Variants in SPATA16 observed in about 807,000 individuals in gnomAD.
SPATA16 encodes spermatogenesis-associated protein 16.
A neutral mutation model predicts 63.3 loss-of-function variants in SPATA16; 36 were observed. That is an observed-to-expected ratio of 0.57 (90% CI 0.44 to 0.75). SPATA16 has a LOEUF of 0.75. Ranked by LOEUF, SPATA16 falls within the 30% of genes least tolerant of loss-of-function variation. SPATA16 has a pLI of 0.00. For synonymous variants in SPATA16, 203 were observed against 216.7 expected (o/e 0.94, Z 0.56); for missense variants, 646 against 679.3 (o/e 0.95, Z 0.54).
intron 6 of SPATA16, among the ~76,000 whole-genome samples, chr3:172,947,008 A>G (rs1156660059): frequency 1.3e-5 from 2 of 152,074 alleles, no homozygotes. Context: ...GAGAGACTCC[A>G]CTTGTTAGGG....
chr3:173,071,113 C>T (rs1736665010), intron 2 of SPATA16, among the ~76,000 whole-genome samples: 3 of 152,056 alleles, frequency 2.0e-5, no homozygotes, highest in Admixed American at 1.3e-4. Context: ...TAAAAGCAGA[C>T]ATATAGACCA....
chr3:173,000,962 A>G (rs1024483493), intron 4 of SPATA16, among the ~76,000 whole-genome samples: 2 of 152,144 alleles, frequency 1.3e-5, no homozygotes, highest in African/African-American at 4.8e-5. Context: ...TTAAAGCCCT[A>G]ACAAATTAAT....
intron 2 of SPATA16, among the ~76,000 whole-genome samples, chr3:173,064,761 C>T (rs890095200): frequency 2.6e-5 from 4 of 152,188 alleles, no homozygotes; most frequent in Non-Finnish European, 5.9e-5. Context: ...GATCCATTAA[C>T]ATCCCACTGG....
chr3:172,889,720 A>G (rs976486744), intron 10 of SPATA16, 28 bp from the exon 11 acceptor site: 1 of 1,610,460 alleles, frequency 6.2e-7, no homozygotes. Flanking sequence ...ATGCAACAAG[A>G]TTTGTTGTTG....
intron 10 of SPATA16, among the ~76,000 whole-genome samples, chr3:172,895,874 T>C (rs2109541793): frequency 6.6e-6 from 1 of 152,228 alleles, no homozygotes; most frequent in Admixed American, 6.5e-5. Context: ...TGGGCTATTG[T>C]AAAATAAGTT....
intron 2 of SPATA16, among the ~76,000 whole-genome samples, chr3:173,101,762 T>A (rs1032696513): frequency 7.2e-5 from 11 of 152,140 alleles, no homozygotes; most frequent in African/African-American, 2.7e-4. Flanking sequence ...ATACTCTAGA[T>A]CCAAGAGTAT....
chr3:172,917,316 G>C (rs1177725448), intron 8 of SPATA16, among the ~76,000 whole-genome samples: 1 of 152,180 alleles, frequency 6.6e-6, no homozygotes, highest in East Asian at 1.9e-4. Flanking sequence ...TTAAGAAAAA[G>C]TACTTTTGAT....
chr3:172,895,754 C>A (rs776973851), intron 10 of SPATA16, among the ~76,000 whole-genome samples: 1 of 152,118 alleles, frequency 6.6e-6, no homozygotes, highest in East Asian at 1.9e-4. Flanking sequence ...TAGTTTATTT[C>A]TTTTTATCAC....
chr3:173,100,212 A>T (rs1737456642), intron 2 of SPATA16, among the ~76,000 whole-genome samples: 1 of 152,212 alleles, frequency 6.6e-6, no homozygotes, highest in African/African-American at 2.4e-5. Context: ...GTTGCCTCAA[A>T]TATCACAGCA....
chr3:173,003,769 A>G (rs1246989151), intron 4 of SPATA16, among the ~76,000 whole-genome samples: 1 of 152,232 alleles, frequency 6.6e-6, no homozygotes, highest in African/African-American at 2.4e-5. Flanking sequence ...CAAAACTTGT[A>G]TCAACAATGA....
intron 4 of SPATA16, among the ~76,000 whole-genome samples, chr3:172,994,314 T>C (rs1394363801): frequency 6.6e-6 from 1 of 152,060 alleles, no homozygotes; most frequent in Non-Finnish European, 1.5e-5. Context: ...AGTAGCTGTA[T>C]AGGCAAGGCA....
chr3:172,911,601 G>T (rs2109559566), intron 10 of SPATA16, among the ~76,000 whole-genome samples: 1 of 152,248 alleles, frequency 6.6e-6, no homozygotes, highest in Admixed American at 6.5e-5. Flanking sequence ...TCTCCCAACT[G>T]AATTCTAAAG....
At chr3:172,952,461 A>T (rs1379187405) in intron 6 of SPATA16, among the ~76,000 whole-genome samples, 4 of 152,120 alleles carry the variant, frequency 2.6e-5, no homozygotes, top group African/African-American at 9.7e-5. Flanking sequence ...GCCTCTTTCC[A>T]TGCTTCTCCC....
chr3:173,093,070 CACACACAT>C (rs879687356), intron 2 of SPATA16, among the ~76,000 whole-genome samples: 22 of 137,914 alleles, frequency 1.6e-4, no homozygotes, highest in African/African-American at 3.3e-4. Flanking sequence ...CACACACACA[CACACACAT>C]ATATATATAT....
chr3:172,910,233 A>G (rs754438106), intron 10 of SPATA16, among the ~76,000 whole-genome samples: 4 of 151,348 alleles, frequency 2.6e-5, no homozygotes, highest in Non-Finnish European at 4.4e-5. Flanking sequence ...AGCTGGGATT[A>G]CAGGCATGTG....
intron 6 of SPATA16, among the ~76,000 whole-genome samples, chr3:172,949,315 A>G (rs1733371308): frequency 1.3e-5 from 2 of 152,232 alleles, no homozygotes; most frequent in African/African-American, 4.8e-5. Flanking sequence ...TAAGATCATC[A>G]AGAAAATGCT....
chr3:173,046,680 G>A (rs1560105984), intron 3 of SPATA16, among the ~76,000 whole-genome samples: 2 of 151,988 alleles, frequency 1.3e-5, no homozygotes, highest in African/African-American at 2.4e-5. Flanking sequence ...TCTGCATTGA[G>A]TATATAACTA....
chr3:172,998,843 A>G (rs1044844259), intron 4 of SPATA16, among the ~76,000 whole-genome samples: 1 of 152,198 alleles, frequency 6.6e-6, no homozygotes, highest in Non-Finnish European at 1.5e-5. Context: ...ATGATGGATT[A>G]CTTCAATTTA....
chr3:172,931,575 A>G (rs1732873463), intron 6 of SPATA16, among the ~76,000 whole-genome samples: 2 of 152,192 alleles, frequency 1.3e-5, no homozygotes, highest in Admixed American at 1.3e-4. Context: ...TCATGCCTCA[A>G]GCACCTAGCA....
Sources: allele counts gnomAD v4.1 joint callset (sites outside exome capture counted in the v4.1 genomes callset), GRCh38; gene constraint gnomAD v4.1.1; transcripts MANE v1.5; gene names NCBI Gene and HGNC (gene_info 2026-07-23, HGNC 2026-07-21).